SMPDL3B: variants seen among roughly 807,000 people sequenced by gnomAD.
SMPDL3B encodes acid sphingomyelinase-like phosphodiesterase 3b.
A neutral mutation model predicts 37.9 loss-of-function variants in SMPDL3B; 31 were observed. The observed-to-expected ratio is 0.82, with a 90% CI of 0.61 to 1.10. The LOEUF is 1.10. Among genes scored for constraint, SMPDL3B ranks in the 50% least tolerant of loss-of-function variants. The pLI, the probability that SMPDL3B is intolerant of heterozygous loss-of-function variation, is 0.00. For missense variants in SMPDL3B, 525 were observed against 597.8 expected (o/e 0.88, Z 1.27); for synonymous variants, 235 against 242.6 (o/e 0.97, Z 0.29).
chr1:27,940,900 G>A (rs1255902455), intron 1 of SMPDL3B, among the ~76,000 whole-genome samples: 1 of 152,176 alleles, frequency 6.6e-6, no homozygotes, highest in African/African-American at 2.4e-5. Flanking sequence ...GGTAATTGCA[G>A]GTAACGGTAT....
chr1:27,944,850 A>G (rs1374850809), intron 1 of SMPDL3B, among the ~76,000 whole-genome samples: 2 of 152,016 alleles, frequency 1.3e-5, no homozygotes, highest in African/African-American at 4.8e-5. Context: ...GAAAAGTGAC[A>G]TAGCCCAGGT....
rs147683305 is a variant in SMPDL3B at position 27,935,195 on chromosome 1, C to G, written c.12C>G (p.Leu4=). The G allele has an allele frequency of 1.5e-5, 25 of 1,613,838 alleles. No individual in the cohort carries two copies. The East Asian group carries it at 3.8e-4, about 24-fold the overall frequency. The change falls in exon 1 of 8, where the codon CTC becomes CTG. Residue 4 remains leucine (L), a synonymous_variant. Coordinates refer to ENST00000373894, the MANE Select transcript of SMPDL3B (RefSeq NM_014474.4). ...AGTGAGCCCCGAGGATGAGGCTGCT[C>G]GCCTGGCTGATTTTCCTGGCTAACT... MRL[L]AWLIFLANWG... is the part of the protein sequence containing the mutation.
rs546048900 is a variant in SMPDL3B at position 27,956,176 on chromosome 1, A to G, written c.1005+94A>G. 5.3e-5 allele frequency: 86 copies of G among 1,611,060 alleles called. No homozygotes were observed. In the South Asian group the frequency reaches 8.4e-4, roughly 16 times the overall value. ...CTCTCAGCTTATCCACCTTCCCCTG[A>G]CCACTGAGCCTCAGGAAGGTTGAGC... On this transcript the variant is annotated intron_variant, in intron 7 of 7. Coordinates refer to ENST00000373894, the MANE Select transcript of SMPDL3B (RefSeq NM_014474.4).
At chr1:27,946,924 C>T (rs2090413580) in intron 2 of SMPDL3B, among the ~76,000 whole-genome samples, 1 of 152,162 alleles carries the variant, frequency 6.6e-6, no homozygotes, top group Non-Finnish European at 1.5e-5. Context: ...TGGTCCATGA[C>T]CTTGGGCCTG....
At chr1:27,942,010 G>A (rs979440085) in intron 1 of SMPDL3B, among the ~76,000 whole-genome samples, 1 of 151,882 alleles carries the variant, frequency 6.6e-6, no homozygotes, top group African/African-American at 2.4e-5. Flanking sequence ...CACACACACA[G>A]ACACACACGC....
chr1:27,956,612 T>C (rs181881588), intron 7 of SMPDL3B: 12 of 467,728 alleles, frequency 2.6e-5, no homozygotes, highest in African/African-American at 2.5e-4. Context: ...AGATGAAAAA[T>C]ATTATTCCTT....
rs751611334 is a variant in SMPDL3B at position 27,945,601 on chromosome 1, CG to C, written c.275+160del. 6.6e-6 allele frequency among the ~76,000 whole-genome samples: 1 copy of C among 152,168 alleles called. No homozygotes were observed. The highest frequency in any genetic ancestry group is 1.5e-5 in the Non-Finnish European group (1 of 68,028). Reference sequence around the variant, plus strand: ...GCTCAAAGGAATTTTGTAACTTGCCCGGGGATTCCTGAGTCCAACTGATTCC... The same window carrying C: ...GCTCAAAGGAATTTTGTAACTTGCCCGGGATTCCTGAGTCCAACTGATTCC... On this transcript the variant is annotated intron_variant, in intron 2 of 7. Coordinates refer to ENST00000373894, the MANE Select transcript of SMPDL3B (RefSeq NM_014474.4). This position sits in a 1 kb window ranked among gnomAD's most constrained non-coding sequence, Gnocchi z 4.0.
At chr1:27,936,334 T>C (rs2090307823) in intron 1 of SMPDL3B, among the ~76,000 whole-genome samples, 1 of 151,964 alleles carries the variant, frequency 6.6e-6, no homozygotes, top group Non-Finnish European at 1.5e-5. Context: ...GTGCCTGTAG[T>C]GCCAGCTACT....
In SMPDL3B at chr1:27,955,713, G is replaced by T. The variant is rs2090494256; in HGVS notation, c.720G>T (p.Gly240=). 1 of 1,614,100 alleles carries T rather than the reference G, an allele frequency of 6.2e-7. No homozygotes were observed. Among genetic ancestry groups the T allele is most frequent in the African/African-American group, 1.3e-5 (1 of 75,032 alleles). Reference sequence around the variant, plus strand: ...ACATTGTCGGCCACGTGCCCCCGGGGTTCTTTGAGAAGACGCAAAACAAGG... The same window carrying T: ...ACATTGTCGGCCACGTGCCCCCGGGTTTCTTTGAGAAGACGCAAAACAAGG... ...MVYIVGHVPP[G]FFEKTQNKAW... The change falls in exon 6 of 8, where the codon GGG becomes GGT. Residue 240 remains glycine (G), a synonymous_variant. Transcript: ENST00000373894.
Position 27,954,404 on chromosome 1 carries a change from G to C in SMPDL3B, c.568G>C (p.Val190Leu), listed in dbSNP as rs761895862. ...LPGPSGAGRI[V>L]VLNTNLYYTS... Reference sequence around the variant, plus strand: ...GGGTCCCAGCGGGGCTGGGCGAATTGTGGTCCTCAACACCAATCTGTACTA... The same window carrying C: ...GGGTCCCAGCGGGGCTGGGCGAATTCTGGTCCTCAACACCAATCTGTACTA... Residue 190 changes from valine to leucine, a missense_variant, in exon 5 of 8, where the codon GTG (valine) becomes CTG (leucine). Val to Leu is a conservative substitution (Grantham distance 32, BLOSUM62 1). Transcript: ENST00000373894. The C allele has an allele frequency of 6.2e-7, 1 of 1,614,090 alleles. No homozygotes were observed. The highest frequency in any genetic ancestry group is 1.7e-5 in the Admixed American group (1 of 60,012).
intron 3 of SMPDL3B, among the ~76,000 whole-genome samples, chr1:27,949,955 A>G (rs1253970496): frequency 6.6e-6 from 1 of 152,214 alleles, no homozygotes; most frequent in Non-Finnish European, 1.5e-5. Flanking sequence ...TCAAGTGTAA[A>G]GGGTCAGGCT....
chr1:27,955,511 T>C (rs2090492270), intron 5 of SMPDL3B, among the ~76,000 whole-genome samples, 173 bp from the exon 6 acceptor site: 1 of 152,152 alleles, frequency 6.6e-6, no homozygotes, highest in South Asian at 2.1e-4. Flanking sequence ...ATGTGGTGCA[T>C]TCATTGCAGG....
rs778258208 is a variant in SMPDL3B, at chr1:27,954,461, G to A, written c.625G>A (p.Asp209Asn). Residue 209 changes from aspartate to asparagine, a missense_variant, in exon 5 of 8, where the codon GAC becomes AAC. By Grantham distance (23) the Asp-to-Asn change is conservative. Transcript: ENST00000373894. ...TSNALTADMA[D>N]PGQQFQWLED... The stretch of plus-strand genomic sequence containing the variant: ...CAATGCGCTGACAGCAGACATGGCG[G>A]ACCCTGGCCAGCAGTTCCAGTGGCT... 25 of 1,613,990 alleles carry A rather than the reference G, an allele frequency of 1.5e-5. No homozygotes were observed. In the Admixed American group the frequency reaches 4.2e-4, roughly 27 times the overall value.
intron 4 of SMPDL3B, 119 bp downstream of exon 4, chr1:27,953,477 GC>G (rs2090472016): frequency 1.1e-6 from 1 of 933,004 alleles, no homozygotes; most frequent in Non-Finnish European, 1.6e-6. Flanking sequence ...AGATAAGGAA[GC>G]CAGGGTCATA....
In SMPDL3B at chr1:27,949,074, G is replaced by A. The variant is rs756530996; in HGVS notation, c.285G>A (p.Thr95=). ...TGGTGGTGTTTTGTAGTGATGACAC[G>A]CCTCATGTGCCCGATGAGAAACTGG... The part of the protein sequence containing the change: ...PDFILWTGDD[T]PHVPDEKLGE... The change falls in exon 3 of 8, where the codon ACG becomes ACA. Residue 95 remains threonine (T), a synonymous_variant. Coordinates refer to ENST00000373894, the MANE Select transcript of SMPDL3B (RefSeq NM_014474.4). 5.0e-6 allele frequency: 8 copies of A among 1,614,032 alleles called. No homozygotes were observed. Among genetic ancestry groups the A allele is most frequent in the East Asian group, 2.2e-5 (1 of 44,894 alleles).
At chr1:27,953,594 C>A (rs2090473216) in intron 4 of SMPDL3B, among the ~76,000 whole-genome samples, 1 of 152,170 alleles carries the variant, frequency 6.6e-6, no homozygotes, top group Non-Finnish European at 1.5e-5. Flanking sequence ...ATTTATTGAG[C>A]CTTTACTGTG....
rs2148675763 is a variant in SMPDL3B, at chr1:27,945,177, G to C, written c.62-55G>C. 1.3e-6 allele frequency: 2 copies of C among 1,573,130 alleles called. No homozygotes were observed. Among genetic ancestry groups the C allele is most frequent in the East Asian group, 4.5e-5 (2 of 44,640 alleles). ...GCCCAGGGCTCCCCTGGACTTCCTT[G>C]CTTCCAGGCTGAGAGAGAGACCAGC... On this transcript the variant is annotated intron_variant, in intron 1 of 7. Coordinates refer to ENST00000373894, the MANE Select transcript of SMPDL3B (RefSeq NM_014474.4). This position sits in a 1 kb window ranked among gnomAD's most constrained non-coding sequence, Gnocchi z 4.0.
Position 27,955,881 on chromosome 1 carries a change from G to A in SMPDL3B, c.871+17G>A, listed in dbSNP as rs768542492. The A allele has an allele frequency of 1.2e-5, 20 of 1,611,618 alleles. No homozygotes were observed. In the South Asian group the frequency reaches 2.1e-4, roughly 17 times the overall value. On this transcript the variant is annotated intron_variant, in intron 6 of 7. Coordinates refer to ENST00000373894, the MANE Select transcript of SMPDL3B (RefSeq NM_014474.4). ...ATGATGCAGGTATTCAACCTGGAGG[G>A]CAACTGCCAGCTCCCTCCCTCCTTC...
intron 4 of SMPDL3B, among the ~76,000 whole-genome samples, chr1:27,953,568 A>G (rs566572823): frequency 6.6e-6 from 1 of 152,298 alleles, no homozygotes; most frequent in South Asian, 2.1e-4. Context: ...GACACTGATG[A>G]TGCTCCTAAG....
Sources: gnomAD v4.1 joint callset for allele counts (sites outside exome capture counted in the v4.1 genomes callset) on GRCh38, gnomAD v4.1.1 for gene constraint, Gnocchi (gnomAD v3.1) non-coding constraint, MANE v1.5 for transcripts, NCBI Gene and HGNC (gene_info 2026-07-23, HGNC 2026-07-21) for gene names.